Variants in SLC25A21 observed in about 807,000 individuals in gnomAD.
SLC25A21 encodes the protein solute carrier family 25 member 21, also known as mitochondrial 2-oxodicarboxylate carrier.
A neutral mutation model predicts 43.8 loss-of-function variants in SLC25A21; 47 were observed. The ratio of observed to expected loss-of-function variants is 1.07; its 90% CI spans 0.85 to 1.37. The LOEUF is 1.37. SLC25A21 is among the 40% of genes most tolerant of loss of function. The pLI is 0.00. For missense variants in SLC25A21, 352 were observed against 350.2 expected, an observed-to-expected ratio of 1.00 and a Z score of -0.04; for synonymous variants, 131 against 121.3, an observed-to-expected ratio of 1.08 and a Z score of -0.52.
At chr14:37,163,826 GT>G (rs1566925164) in intron 1 of SLC25A21, among the ~76,000 whole-genome samples, 1 of 152,164 alleles carries the variant, frequency 6.6e-6, no homozygotes, top group African/African-American at 2.4e-5. Context: ...CAGTATTGTT[GT>G]AAGTATTATC....
At chr14:37,103,373 G>A (rs530123947) in intron 1 of SLC25A21, among the ~76,000 whole-genome samples, 12 of 152,220 alleles carry the variant, frequency 7.9e-5, no homozygotes, top group Admixed American at 4.6e-4. Flanking sequence ...CCACTGGAGC[G>A]TCTATCACGG....
chr14:37,055,404 A>G (rs1221507753), intron 1 of SLC25A21, among the ~76,000 whole-genome samples: 1 of 152,184 alleles, frequency 6.6e-6, no homozygotes, highest in East Asian at 1.9e-4. Flanking sequence ...AGATATCTTC[A>G]CTGCTCCACT....
intron 2 of SLC25A21, among the ~76,000 whole-genome samples, chr14:36,819,687 T>C (rs1888564417): frequency 6.6e-6 from 1 of 152,206 alleles, no homozygotes; most frequent in Non-Finnish European, 1.5e-5. Flanking sequence ...TCTTAACAAA[T>C]ACTGAACGAG....
At chr14:37,089,928 C>T (rs1023924750) in intron 1 of SLC25A21, among the ~76,000 whole-genome samples, 2 of 152,094 alleles carry the variant, frequency 1.3e-5, no homozygotes, top group Non-Finnish European at 2.9e-5. Flanking sequence ...TTCATCTTGC[C>T]TGAAATTATG....
At chr14:36,863,659 G>T (rs1162140002) in intron 2 of SLC25A21, among the ~76,000 whole-genome samples, 2 of 152,122 alleles carry the variant, frequency 1.3e-5, no homozygotes, top group East Asian at 3.9e-4. Flanking sequence ...TTATTAATAA[G>T]ATTAAAAAAT....
chr14:36,876,008 G>A (rs1344460793), intron 1 of SLC25A21, among the ~76,000 whole-genome samples: 1 of 152,112 alleles, frequency 6.6e-6, no homozygotes, highest in African/African-American at 2.4e-5. Context: ...CACAACGAAT[G>A]GACAAGGTAA....
intron 1 of SLC25A21, among the ~76,000 whole-genome samples, chr14:36,958,068 A>AC (rs1959388166): frequency 6.7e-6 from 1 of 150,044 alleles, no homozygotes; most frequent in African/African-American, 2.5e-5. Flanking sequence ...TTTGAGGCTC[A>AC]TTTTTTTTTT....
At chr14:36,895,726 T>G (rs1891218559) in intron 1 of SLC25A21, among the ~76,000 whole-genome samples, 1 of 152,188 alleles carries the variant, frequency 6.6e-6, no homozygotes, top group African/African-American at 2.4e-5. Context: ...TTCCAGAGAT[T>G]CTGGTATGTT....
chr14:36,983,479 T>C (rs1047493481), intron 1 of SLC25A21, among the ~76,000 whole-genome samples: 1 of 152,006 alleles, frequency 6.6e-6, no homozygotes, highest in Non-Finnish European at 1.5e-5. Context: ...TACTCTATTA[T>C]GAAAAAGTAA....
At chr14:36,888,051 T>C (rs558984069) in intron 1 of SLC25A21, among the ~76,000 whole-genome samples, 4 of 152,188 alleles carry the variant, frequency 2.6e-5, no homozygotes, top group Admixed American at 2.0e-4. Context: ...GTATTTACAC[T>C]AAGGAAGCTG....
intron 2 of SLC25A21, among the ~76,000 whole-genome samples, chr14:36,847,272 A>AT (rs1354232554): frequency 1.3e-5 from 2 of 152,182 alleles, no homozygotes; most frequent in East Asian, 1.9e-4. Flanking sequence ...GTTTAGAATT[A>AT]TTTTTTTCAG....
At chr14:37,159,937 A>G (rs1036905841) in intron 1 of SLC25A21, among the ~76,000 whole-genome samples, 1 of 152,246 alleles carries the variant, frequency 6.6e-6, no homozygotes, top group Non-Finnish European at 1.5e-5. Flanking sequence ...TTCTCAAAAG[A>G]AGACACACAA....
In SLC25A21 at chr14:36,862,627, G is replaced by A. The variant is rs181401527; in HGVS notation, c.119+12329C>T. Among the ~76,000 whole-genome samples, 33 of 143,274 alleles carry A rather than the reference G, an allele frequency of 2.3e-4. No homozygotes were observed. In the East Asian group the frequency reaches 5.4e-3, roughly 24 times the overall value. 94.0% of individuals were successfully genotyped at this position (143,274 alleles called of 152,430 possible). Reference sequence around the variant, plus strand: ...CCTTTCAGGGGCTGTGGGGCTAGGGGAGGAATAGCATTAGGAGAAATACCT... The same window carrying A: ...CCTTTCAGGGGCTGTGGGGCTAGGGAAGGAATAGCATTAGGAGAAATACCT... On this transcript the variant is annotated intron_variant, in intron 2 of 9. Transcript: ENST00000331299.
intron 1 of SLC25A21, among the ~76,000 whole-genome samples, chr14:37,072,839 C>T (rs565591797): frequency 2.9e-4 from 44 of 152,306 alleles, no homozygotes; most frequent in African/African-American, 1.1e-3. Context: ...AAAAGAACCG[C>T]TGGTTATGAA....
chr14:36,685,874 G>T (rs1164853589), intron 7 of SLC25A21, among the ~76,000 whole-genome samples: 1 of 152,064 alleles, frequency 6.6e-6, no homozygotes. Flanking sequence ...TCAGTTCTAT[G>T]TTTTCAGTCT....
In SLC25A21 at chr14:36,726,642, C is replaced by T. The variant is rs191884184; in HGVS notation, c.331-965G>A. 2.2e-3 allele frequency among the ~76,000 whole-genome samples: 338 copies of T among 152,308 alleles called. 2 individuals are homozygous for T. The highest frequency in any genetic ancestry group is 7.8e-3 in the African/African-American group (324 of 41,570). ...CTAGAATTTTCCTCTAGGTAGAATG[C>T]TTGTGTGTTTTCCAGAAAATCTGCA... is the stretch of plus-strand genomic sequence containing the variant. On this transcript the variant is annotated intron_variant, in intron 5 of 9. Transcript: ENST00000331299.
intron 3 of SLC25A21, among the ~76,000 whole-genome samples, chr14:36,782,746 G>A (rs1416292419): frequency 7.2e-6 from 1 of 139,274 alleles, no homozygotes; most frequent in Non-Finnish European, 1.5e-5. Flanking sequence ...GGTGGGAACT[G>A]AACAATGAGA....
At chr14:36,849,041 T>C (rs573243265) in intron 2 of SLC25A21, among the ~76,000 whole-genome samples, 3 of 152,338 alleles carry the variant, frequency 2.0e-5, no homozygotes, top group Admixed American at 1.3e-4. Context: ...ACAGGGGATC[T>C]GCAAAGTTGT....
chr14:37,103,233 T>G (rs1352125133), intron 1 of SLC25A21, among the ~76,000 whole-genome samples: 1 of 152,170 alleles, frequency 6.6e-6, no homozygotes, highest in African/African-American at 2.4e-5. Context: ...AGAAAAGATT[T>G]GCATATCTCT....
Sources: gnomAD v4.1 joint callset for allele counts (sites outside exome capture counted in the v4.1 genomes callset) on GRCh38, gnomAD v4.1.1 for gene constraint, MANE v1.5 for transcripts, NCBI Gene and HGNC (gene_info 2026-07-23, HGNC 2026-07-21) for gene names.